The following PCDH15 variants were observed in gnomAD, a reference collection of about 807,000 sequenced individuals.
The protein encoded by PCDH15 is protocadherin related 15.
In PCDH15, 129 loss-of-function variants were observed where a neutral mutation model predicts 178.5. The observed-to-expected ratio is 0.72, with a 90% CI of 0.63 to 0.84. The LOEUF (loss-of-function observed/expected upper bound fraction) is 0.84, where lower values mean the gene tolerates loss of function less well. Among genes scored for constraint, PCDH15 ranks in the 40% least tolerant of loss-of-function variants. PCDH15 has a pLI of 0.00. For missense variants in PCDH15, 2,230 were observed against 2,099.9 expected, an observed-to-expected ratio of 1.06 and a Z score of -1.21; for synonymous variants, 800 against 732.0, an observed-to-expected ratio of 1.09 and a Z score of -1.50.
At chr10:54,148,040 A>G (rs953941084) in intron 14 of PCDH15, among the ~76,000 whole-genome samples, 1 of 152,022 alleles carries the variant, frequency 6.6e-6, no homozygotes, top group Admixed American at 6.6e-5. Context: ...GAAATTATAT[A>G]TATAAAGGAG....
At chr10:54,716,474 G>C (rs113477304) in intron 1 of PCDH15, among the ~76,000 whole-genome samples, 1 of 151,948 alleles carries the variant, frequency 6.6e-6, no homozygotes, top group Admixed American at 6.6e-5. Context: ...GAGGTCCTTC[G>C]CGTCCCTTGT....
chr10:54,297,171 G>A lies in PCDH15; in HGVS notation c.876+20100C>T, dbSNP rs536079171. Among the ~76,000 whole-genome samples the A allele has an allele frequency of 2.1e-3, 324 of 152,160 alleles. 1 individual carries two copies. Among genetic ancestry groups the A allele is most frequent in the Middle Eastern group, 3.4e-3 (1 of 294 alleles). On this transcript the variant is annotated intron_variant, in intron 8 of 37. Transcript: ENST00000644397. Reference sequence around the variant, plus strand: ...GCCACTGTGGGTTCTTGGGCAGGGGGAGAAACAAACAAAACAAAACCGCAG... The same window carrying A: ...GCCACTGTGGGTTCTTGGGCAGGGGAAGAAACAAACAAAACAAAACCGCAG...
chr10:54,860,524 TACA>T (rs1953820730), intron 3 of PCDH15, among the ~76,000 whole-genome samples: 3 of 152,212 alleles, frequency 2.0e-5, no homozygotes, highest in Non-Finnish European at 4.4e-5. Context: ...GGTATAGATG[TACA>T]ACATTTTCTT....
At chr10:54,029,161 T>C (rs1388219261) in intron 18 of PCDH15, among the ~76,000 whole-genome samples, 1 of 152,154 alleles carries the variant, frequency 6.6e-6, no homozygotes, top group East Asian at 1.9e-4. Context: ...TTTACTATTC[T>C]AGATGAACAT....
At chr10:54,570,978 T>C (rs1276497960) in intron 2 of PCDH15, among the ~76,000 whole-genome samples, 1 of 151,954 alleles carries the variant, frequency 6.6e-6, no homozygotes, top group Non-Finnish European at 1.5e-5. Flanking sequence ...ACTTGCATCA[T>C]TCTAGTTGCA....
At chr10:55,591,407 C>G (rs1236220531) in intron 2 of PCDH15, among the ~76,000 whole-genome samples, 1 of 151,866 alleles carries the variant, frequency 6.6e-6, no homozygotes, top group Non-Finnish European at 1.5e-5. Context: ...TGCACTCCAG[C>G]CTGGGTAACG....
intron 2 of PCDH15, among the ~76,000 whole-genome samples, chr10:54,641,298 C>A (rs1485771876): frequency 1.3e-5 from 2 of 152,042 alleles, no homozygotes; most frequent in African/African-American, 4.8e-5. Context: ...TGACCACAAT[C>A]ACCACTTATT....
intron 1 of PCDH15, among the ~76,000 whole-genome samples, chr10:55,227,560 C>G (rs1841087310): frequency 1.3e-5 from 2 of 148,932 alleles, no homozygotes; most frequent in African/African-American, 5.0e-5. Context: ...AGAAAGACTT[C>G]TTAGTATGTG....
At chr10:55,139,264 G>C (rs957811468) in intron 2 of PCDH15, among the ~76,000 whole-genome samples, 3 of 151,452 alleles carry the variant, frequency 2.0e-5, no homozygotes, top group Non-Finnish European at 4.4e-5. Flanking sequence ...CTCTTATCGA[G>C]GTATTTGAGA....
intron 2 of PCDH15, among the ~76,000 whole-genome samples, chr10:54,549,721 T>C (rs1174204410): frequency 2.0e-5 from 3 of 151,994 alleles, no homozygotes; most frequent in Admixed American, 2.0e-4. Flanking sequence ...ATTCAGTATC[T>C]TATTGAGATA....
In PCDH15 at chr10:53,937,631, T is replaced by C. The variant is rs115067703; in HGVS notation, c.3373+1184A>G. 2.2e-3 allele frequency among the ~76,000 whole-genome samples: 336 copies of C among 152,294 alleles called. 2 individuals carry two copies. Among genetic ancestry groups the C allele is most frequent in the African/African-American group, 7.4e-3 (307 of 41,572 alleles). On this transcript the variant is annotated intron_variant, in intron 25 of 37. Coordinates refer to ENST00000644397, the MANE Select transcript of PCDH15 (RefSeq NM_001384140.1). The stretch of plus-strand genomic sequence containing the variant: ...TGATTTTTCAAATGATTTGGTTGTA[T>C]CTCTACAAGGAACTGAGCAGCTCTC...
intron 2 of PCDH15, among the ~76,000 whole-genome samples, chr10:55,488,811 C>A (rs1840353998): frequency 6.6e-6 from 1 of 151,382 alleles, no homozygotes; most frequent in African/African-American, 2.4e-5. Flanking sequence ...GAAATATTTG[C>A]CTCATACTGG....
intron 15 of PCDH15, among the ~76,000 whole-genome samples, chr10:54,106,804 G>A (rs1481667212): frequency 6.6e-6 from 1 of 152,134 alleles, no homozygotes; most frequent in Non-Finnish European, 1.5e-5. Flanking sequence ...AGAAGAAATT[G>A]AAATTGATTT....
intron 3 of PCDH15, among the ~76,000 whole-genome samples, chr10:54,480,994 C>T (rs1035285668): frequency 3.3e-5 from 5 of 151,864 alleles, no homozygotes; most frequent in Admixed American, 2.0e-4. Flanking sequence ...TGGAGACTAA[C>T]ATTCCTTGCA....
chr10:54,804,624 T>G (rs563356015), upstream of PCDH15, among the ~76,000 whole-genome samples: 1 of 152,140 alleles, frequency 6.6e-6, no homozygotes, highest in African/African-American at 2.4e-5. Flanking sequence ...CAAATATATA[T>G]TCTGTGTTTT....
chr10:54,657,917 A>G (rs1349259646), intron 2 of PCDH15, among the ~76,000 whole-genome samples: 1 of 152,186 alleles, frequency 6.6e-6, no homozygotes, highest in African/African-American at 2.4e-5. Flanking sequence ...AGGAATTTCA[A>G]TCAGAAAAAT....
At chr10:54,534,477 C>T (rs376875697) in intron 2 of PCDH15, among the ~76,000 whole-genome samples, 5 of 152,170 alleles carry the variant, frequency 3.3e-5, no homozygotes, top group East Asian at 3.9e-4. Context: ...CAGTCCTCTA[C>T]TGGTCCCAGT....
chr10:54,749,359 C>T (rs1194437209), intron 1 of PCDH15, among the ~76,000 whole-genome samples: 1 of 151,980 alleles, frequency 6.6e-6, no homozygotes, highest in Non-Finnish European at 1.5e-5. Flanking sequence ...TTCCTGGATC[C>T]TGAATGATGA....
intron 30 of PCDH15, among the ~76,000 whole-genome samples, chr10:53,830,577 A>T (rs1254565243): frequency 1.3e-5 from 2 of 152,130 alleles, no homozygotes; most frequent in African/African-American, 2.4e-5. Flanking sequence ...GCTTCCCCAG[A>T]CCTAGTGTCA....
Sources: gnomAD v4.1 joint callset for allele counts (sites outside exome capture counted in the v4.1 genomes callset) on GRCh38, gnomAD v4.1.1 for gene constraint, MANE v1.5 for transcripts, NCBI Gene and HGNC (gene_info 2026-07-23, HGNC 2026-07-21) for gene names.